DTNA: variants seen among roughly 807,000 people sequenced by gnomAD.
The protein encoded by DTNA is dystrophin-related protein 3.
DTNA carries 43 observed loss-of-function variants against 100.7 expected under a neutral mutation model. The ratio of observed to expected loss-of-function variants is 0.43; its 90% CI spans 0.33 to 0.55. DTNA has a LOEUF of 0.55. Ranked by LOEUF, DTNA falls within the 20% of genes least tolerant of loss-of-function variation. The pLI is 0.04. For missense variants in DTNA, 798 were observed against 953.9 expected, an observed-to-expected ratio of 0.84 and a Z score of 2.15; for synonymous variants, 349 against 347.9, an observed-to-expected ratio of 1.00 and a Z score of -0.04.
At chr18:34,525,988 T>C (rs1417459538) in intron 1 of DTNA, among the ~76,000 whole-genome samples, 1 of 152,150 alleles carries the variant, frequency 6.6e-6, no homozygotes, top group African/African-American at 2.4e-5. Context: ...GTCCTAGAAT[T>C]GTAAGGGCAG....
chr18:34,532,647 A>G (rs997175943), intron 1 of DTNA, among the ~76,000 whole-genome samples: 1 of 152,074 alleles, frequency 6.6e-6, no homozygotes, highest in Non-Finnish European at 1.5e-5. Context: ...ATGCATGTCA[A>G]CAAAAACAGC....
At chr18:34,672,725 CA>C (rs201161781) in intron 1 of DTNA, among the ~76,000 whole-genome samples, 1 of 152,104 alleles carries the variant, frequency 6.6e-6, no homozygotes, top group East Asian at 1.9e-4. Context: ...AATAATAGGA[CA>C]AAAAAGTTTC....
intron 4 of DTNA, 119 bp from the exon 5 acceptor site, chr18:34,806,100 T>C: frequency 1.2e-6 from 1 of 832,982 alleles, no homozygotes; most frequent in South Asian, 1.5e-5. Context: ...CATGCAGCTA[T>C]GTATCCTGTG....
intron 1 of DTNA, among the ~76,000 whole-genome samples, chr18:34,753,371 T>C (rs112305426): frequency 9.9e-6 from 1 of 101,408 alleles, no homozygotes; most frequent in Non-Finnish European, 1.9e-5. Context: ...ATTTTATTTT[T>C]TTTTTTTTTT....
chr18:34,838,101 C>A lies in DTNA; in HGVS notation c.1183C>A (p.Pro395Thr). ...NQLDHGARSP[P>T]KDSEVEQNKL... ...TCCCATCTTATTAACTAGCTCTCCT[C>A]CCAAGGACAGTGAAGTAGAGCAGAA... The change falls in exon 12 of 23, where the codon CCC (proline) becomes ACC (threonine). Residue 395 changes from proline (P) to threonine (T), a missense_variant. Around this residue, in one of 6 missense-constraint regions of DTNA, gnomAD observed 159 missense variants for 201.2 expected, o/e 0.79. Transcript: ENST00000444659. 1 of 1,613,782 alleles carries A rather than the reference C, an allele frequency of 6.2e-7. No homozygotes were observed. Among genetic ancestry groups the A allele is most frequent in the African/African-American group, 1.3e-5 (1 of 75,036 alleles).
At chr18:34,588,686 AGTGT>A (rs145242890) in intron 1 of DTNA, among the ~76,000 whole-genome samples, 6 of 149,660 alleles carry the variant, frequency 4.0e-5, no homozygotes, top group African/African-American at 1.5e-4. Flanking sequence ...TGAATATTAT[AGTGT>A]GTGTGTGTGT....
chr18:34,879,501 A>G (rs113859039), intron 19 of DTNA, 50 bp from the exon 20 acceptor site: 2 of 1,602,440 alleles, frequency 1.2e-6, no homozygotes, highest in Non-Finnish European at 8.5e-7. Context: ...TTTGCAGGTC[A>G]TAAAAAAATC....
intron 1 of DTNA, among the ~76,000 whole-genome samples, chr18:34,586,854 T>C (rs2049188942): frequency 6.6e-6 from 1 of 152,214 alleles, no homozygotes; most frequent in Non-Finnish European, 1.5e-5. Context: ...CATTCTGGTT[T>C]CACTGAGTGA....
chr18:34,690,781 A>G (rs142154765), intron 1 of DTNA, among the ~76,000 whole-genome samples: 117 of 152,296 alleles, frequency 7.7e-4, no homozygotes, highest in African/African-American at 2.7e-3. Flanking sequence ...CACTATTAAT[A>G]CTTTCTAAAT....
upstream of DTNA, among the ~76,000 whole-genome samples, chr18:34,706,701 C>G (rs1221474556): frequency 6.6e-6 from 1 of 152,070 alleles, no homozygotes; most frequent in African/African-American, 2.4e-5. Context: ...CCCATTGTTA[C>G]AATTCAAAGG....
chr18:34,651,236 T>C (rs1170567208), intron 1 of DTNA, among the ~76,000 whole-genome samples: 1 of 152,228 alleles, frequency 6.6e-6, no homozygotes, highest in Non-Finnish European at 1.5e-5. Flanking sequence ...CCACATTTTG[T>C]TAATGTATAA....
chr18:34,507,201 C>A (rs574338076), intron 1 of DTNA, among the ~76,000 whole-genome samples: 1 of 152,244 alleles, frequency 6.6e-6, no homozygotes, highest in South Asian at 2.1e-4. Context: ...AGATTTCCCC[C>A]ACTCTCAGAG....
intron 1 of DTNA, among the ~76,000 whole-genome samples, chr18:34,715,097 A>G (rs2083751526): frequency 6.6e-6 from 1 of 151,494 alleles, no homozygotes; most frequent in African/African-American, 2.4e-5. Flanking sequence ...TGGGAGATAT[A>G]CCTAATGCTA....
chr18:34,859,979 TATC>T (rs2096598334), intron 16 of DTNA, among the ~76,000 whole-genome samples: 2 of 152,200 alleles, frequency 1.3e-5, no homozygotes, highest in Non-Finnish European at 2.9e-5. Context: ...CTCGTATAAA[TATC>T]ATACTGTTCT....
intron 1 of DTNA, among the ~76,000 whole-genome samples, chr18:34,674,357 C>T (rs1346915208): frequency 2.6e-5 from 4 of 152,316 alleles, no homozygotes; most frequent in East Asian, 3.9e-4. Flanking sequence ...ACCTTCCTGC[C>T]TCTCATACTG....
At chr18:34,639,316 C>T (rs542405027) in intron 1 of DTNA, among the ~76,000 whole-genome samples, 1 of 152,314 alleles carries the variant, frequency 6.6e-6, no homozygotes, top group East Asian at 1.9e-4. Context: ...CACCCTGTCT[C>T]CAGTTGTGAC....
At chr18:34,857,529 G>A (rs1290620943) in intron 15 of DTNA, among the ~76,000 whole-genome samples, 1 of 152,166 alleles carries the variant, frequency 6.6e-6, no homozygotes, top group Non-Finnish European at 1.5e-5. Context: ...CTAGCCTAAT[G>A]CTCACCAAAT....
chr18:34,802,565 T>C (rs1428188062), intron 4 of DTNA, among the ~76,000 whole-genome samples: 2 of 152,224 alleles, frequency 1.3e-5, no homozygotes, highest in African/African-American at 4.8e-5. Context: ...AGTGCCTTTT[T>C]TCACAATGAA....
chr18:34,726,666 G>T (rs978938226), intron 1 of DTNA, among the ~76,000 whole-genome samples: 2 of 152,198 alleles, frequency 1.3e-5, no homozygotes, highest in Non-Finnish European at 2.9e-5. Context: ...TGCAAGGGAT[G>T]GACTCCCAAC....
Sources: gnomAD v4.1 joint callset for allele counts (sites outside exome capture counted in the v4.1 genomes callset) on GRCh38, gnomAD v4.1.1 for gene constraint, gnomAD v4.1.1 regional missense constraint, MANE v1.5 for transcripts, NCBI Gene and HGNC (gene_info 2026-07-23, HGNC 2026-07-21) for gene names.